Variants in PDE4D observed in about 807,000 individuals in gnomAD.
PDE4D encodes phosphodiesterase 4D.
A neutral mutation model predicts 87.4 loss-of-function variants in PDE4D; 24 were observed. The ratio of observed to expected loss-of-function variants is 0.27; its 90% CI spans 0.20 to 0.39. The LOEUF is 0.39. Among genes scored for constraint, PDE4D ranks in the 10% least tolerant of loss-of-function variants. The pLI, the probability that PDE4D is intolerant of heterozygous loss-of-function variation, is 1.00. For missense variants in PDE4D, 714 were observed against 1,041.0 expected, an observed-to-expected ratio of 0.69 and a Z score of 4.32; for synonymous variants, 384 against 383.2, an observed-to-expected ratio of 1.00 and a Z score of -0.02.
intron 5 of PDE4D, among the ~76,000 whole-genome samples, chr5:59,086,406 C>T (rs982838523): frequency 2.0e-5 from 3 of 152,174 alleles, no homozygotes; most frequent in African/African-American, 7.2e-5. Flanking sequence ...TCTTGGAATT[C>T]TCTCCTACCT....
At chr5:59,109,233 C>T (rs1772197645) in intron 5 of PDE4D, among the ~76,000 whole-genome samples, 1 of 152,114 alleles carries the variant, frequency 6.6e-6, no homozygotes, top group Non-Finnish European at 1.5e-5. Context: ...ATGTGCCATA[C>T]ATTGTTCTAG....
chr5:60,107,620 G>C (rs1582692185), intron 2 of PDE4D, among the ~76,000 whole-genome samples: 1 of 152,104 alleles, frequency 6.6e-6, no homozygotes, highest in Admixed American at 6.5e-5. Flanking sequence ...TAAAATACTG[G>C]CAAACTGAAT....
At chr5:59,151,501 A>T (rs1779469439) in intron 5 of PDE4D, among the ~76,000 whole-genome samples, 1 of 152,144 alleles carries the variant, frequency 6.6e-6, no homozygotes, top group South Asian at 2.1e-4. Context: ...CCATAGAAGG[A>T]GGCATTATCT....
At chr5:60,449,593 T>A (rs1187048898) in intron 1 of PDE4D, among the ~76,000 whole-genome samples, 1 of 151,332 alleles carries the variant, frequency 6.6e-6, no homozygotes, top group Non-Finnish European at 1.5e-5. Context: ...TGTATACATA[T>A]GTAACTAACC....
chr5:60,226,228 CT>C (rs1257682104), intron 1 of PDE4D, among the ~76,000 whole-genome samples: 6 of 152,028 alleles, frequency 3.9e-5, no homozygotes, highest in Admixed American at 3.9e-4. Context: ...GAAAAGGGTT[CT>C]TTAAAGTGAC....
At chr5:59,852,840 C>T (rs1744886356) in intron 1 of PDE4D, among the ~76,000 whole-genome samples, 1 of 151,618 alleles carries the variant, frequency 6.6e-6, no homozygotes, top group African/African-American at 2.4e-5. Flanking sequence ...AAAAAAGAGT[C>T]GTTCAGTAGT....
At chr5:59,498,562 C>T (rs1460706700) in intron 1 of PDE4D, among the ~76,000 whole-genome samples, 2 of 151,610 alleles carry the variant, frequency 1.3e-5, no homozygotes, top group African/African-American at 4.8e-5. Flanking sequence ...ATAGGCTAGG[C>T]TGCAAGTAAA....
At chr5:60,399,928 C>T (rs1740896399) in intron 1 of PDE4D, among the ~76,000 whole-genome samples, 1 of 152,224 alleles carries the variant, frequency 6.6e-6, no homozygotes, top group Non-Finnish European at 1.5e-5. Flanking sequence ...CAGCCAAAGT[C>T]TGTTTCAATT....
At chr5:59,936,083 C>G (rs2152793858) in intron 3 of PDE4D, among the ~76,000 whole-genome samples, 1 of 152,216 alleles carries the variant, frequency 6.6e-6, no homozygotes, top group East Asian at 1.9e-4. Flanking sequence ...ACGGTGTAAA[C>G]CATCATTCTC....
At chr5:59,381,670 T>C (rs756292357) in intron 1 of PDE4D, among the ~76,000 whole-genome samples, 2 of 152,144 alleles carry the variant, frequency 1.3e-5, no homozygotes, top group African/African-American at 2.4e-5. Context: ...AGTGCAAATA[T>C]CACGTCTTTC....
chr5:60,031,899 A>G (rs1046707239), intron 2 of PDE4D, among the ~76,000 whole-genome samples: 4 of 152,210 alleles, frequency 2.6e-5, no homozygotes, highest in African/African-American at 9.6e-5. Flanking sequence ...AATATACAAC[A>G]GACTGTCAGT....
At chr5:59,181,701 T>G (rs1741635270) in intron 4 of PDE4D, among the ~76,000 whole-genome samples, 1 of 151,806 alleles carries the variant, frequency 6.6e-6, no homozygotes, top group South Asian at 2.1e-4. Flanking sequence ...ACAATAAGCC[T>G]TAAGGAAGTA....
intron 1 of PDE4D, among the ~76,000 whole-genome samples, chr5:60,376,073 TTACAGCTTACAACTGTCA>T (rs2149995091): frequency 6.6e-6 from 1 of 152,312 alleles, no homozygotes; most frequent in South Asian, 2.1e-4. Context: ...TCCCAGATTT[TTACAGCTTACAACTGTCA>T]GGCCTCGTCA....
intron 1 of PDE4D, among the ~76,000 whole-genome samples, chr5:59,243,803 G>T (rs559293930): frequency 4.6e-5 from 7 of 152,082 alleles, no homozygotes; most frequent in Non-Finnish European, 8.8e-5. Context: ...CTATCTGGAA[G>T]TATATTTAGT....
chr5:60,044,565 C>T (rs1264507251), intron 2 of PDE4D, among the ~76,000 whole-genome samples: 2 of 151,010 alleles, frequency 1.3e-5, no homozygotes. Flanking sequence ...CTTCCTGTGT[C>T]CATGTGTTCT....
intron 1 of PDE4D, among the ~76,000 whole-genome samples, chr5:59,456,809 G>C (rs1799996279): frequency 1.3e-5 from 2 of 152,124 alleles, no homozygotes; most frequent in Non-Finnish European, 2.9e-5. Flanking sequence ...AACTTTGAAG[G>C]GTTCAAGTGA....
intron 3 of PDE4D, among the ~76,000 whole-genome samples, chr5:59,983,198 C>T (rs1282659760): frequency 6.6e-6 from 1 of 152,030 alleles, no homozygotes; most frequent in Non-Finnish European, 1.5e-5. Flanking sequence ...TCTCTGCCTG[C>T]CCTCTTAGTG....
intron 1 of PDE4D, among the ~76,000 whole-genome samples, chr5:59,879,317 T>C (rs555917465): frequency 6.6e-6 from 1 of 152,332 alleles, no homozygotes; most frequent in East Asian, 1.9e-4. Context: ...AAAGCCTTAT[T>C]TCCTCTTCTT....
intron 2 of PDE4D, among the ~76,000 whole-genome samples, chr5:60,168,916 A>G (rs765600422): frequency 9.2e-5 from 14 of 152,206 alleles, no homozygotes; most frequent in Non-Finnish European, 2.1e-4. Flanking sequence ...ATGCAACATA[A>G]TGATTGAAAA....
Sources: allele counts gnomAD v4.1 joint callset (sites outside exome capture counted in the v4.1 genomes callset), GRCh38; gene constraint gnomAD v4.1.1; transcripts MANE v1.5; gene names NCBI Gene and HGNC (gene_info 2026-07-23, HGNC 2026-07-21).